Variants in PPM1D observed in about 807,000 individuals in gnomAD.
PPM1D encodes the protein protein phosphatase, Mg2+/Mn2+ dependent 1D, also known as protein phosphatase 1D.
Under a neutral mutation model 58.3 loss-of-function variants are expected in PPM1D, and 52 were observed. The observed-to-expected ratio is 0.89, with a 90% confidence interval of 0.71 to 1.12. The LOEUF is 1.12. PPM1D is among the 50% of genes most tolerant of loss of function. PPM1D has a pLI of 0.00. For missense variants in PPM1D, 564 were observed against 777.2 expected, an observed-to-expected ratio of 0.73 and a Z score of 3.26; for synonymous variants, 278 against 285.1, an observed-to-expected ratio of 0.98 and a Z score of 0.25.
Position 60,663,319 on chromosome 17 carries a change from AC to A in PPM1D, c.1589del (p.Pro530LeufsTer9). 2 of 1,614,064 alleles carry A rather than the reference AC, an allele frequency of 1.2e-6. No homozygotes were observed. Among genetic ancestry groups the A allele is most frequent in the South Asian group, 1.1e-5 (1 of 91,076 alleles). On this transcript the variant is annotated frameshift_variant, in exon 6 of 6. Coordinates refer to ENST00000305921, the MANE Select transcript of PPM1D (RefSeq NM_003620.4). LOFTEE classifies it high-confidence loss of function. ...GQMKAQEIER[T>X]PPTNFKRTLE... ...AATGAAAGCCCAAGAAATTGAAAGA[AC>A]CCCTCCAACAAACTTTAAAAGGACA... is the stretch of plus-strand genomic sequence containing the variant.
intron 4 of PPM1D, among the ~76,000 whole-genome samples, chr17:60,654,822 C>G (rs1878454353): frequency 6.7e-6 from 1 of 149,798 alleles, no homozygotes; most frequent in Non-Finnish European, 1.5e-5. Context: ...GAGCCGAGGT[C>G]TTGCCATTGC....
chr17:60,657,396 T>C (rs912174914), intron 5 of PPM1D, among the ~76,000 whole-genome samples: 1 of 152,254 alleles, frequency 6.6e-6, no homozygotes, highest in South Asian at 2.1e-4. Context: ...ATCATACTTT[T>C]TTGATTTACT....
At chr17:60,657,624 G>GT (rs2031463458) in intron 5 of PPM1D, among the ~76,000 whole-genome samples, 2 of 152,176 alleles carry the variant, frequency 1.3e-5, no homozygotes, top group African/African-American at 4.8e-5. Flanking sequence ...TTTGGGCGTC[G>GT]TAATCCTATA....
chr17:60,608,987 T>C (rs1286437447), intron 1 of PPM1D, among the ~76,000 whole-genome samples: 1 of 152,086 alleles, frequency 6.6e-6, no homozygotes, highest in East Asian at 1.9e-4. Flanking sequence ...GACCTCGTGA[T>C]GTGCCCTCCT....
intron 4 of PPM1D, among the ~76,000 whole-genome samples, chr17:60,651,868 G>C (rs1816525848): frequency 1.3e-5 from 2 of 152,132 alleles, no homozygotes; most frequent in Non-Finnish European, 2.9e-5. Context: ...GAAAATAATA[G>C]AGCAGAAATT....
intron 2 of PPM1D, among the ~76,000 whole-genome samples, chr17:60,633,563 A>G (rs1469878704): frequency 2.0e-5 from 3 of 151,816 alleles, no homozygotes; most frequent in Non-Finnish European, 2.9e-5. Flanking sequence ...ATTGTTTACT[A>G]ATTAGGTAGT....
intron 1 of PPM1D, among the ~76,000 whole-genome samples, chr17:60,602,324 G>A (rs2030232318): frequency 6.6e-6 from 1 of 152,102 alleles, no homozygotes; most frequent in Admixed American, 6.5e-5. Flanking sequence ...TTAGAGTGCT[G>A]TTTATTTTGC....
intron 3 of PPM1D, among the ~76,000 whole-genome samples, chr17:60,634,649 A>G (rs1186525099): frequency 6.6e-6 from 1 of 152,174 alleles, no homozygotes; most frequent in Admixed American, 6.5e-5. Context: ...CTATGAAAAA[A>G]ATAGTTATAT....
At chr17:60,619,660 T>G (rs1412091351) in intron 1 of PPM1D, among the ~76,000 whole-genome samples, 5 of 152,094 alleles carry the variant, frequency 3.3e-5, no homozygotes, top group African/African-American at 1.2e-4. Flanking sequence ...CAGGCTGGAG[T>G]GCAGTGGTGT....
At chr17:60,619,309 A>G (rs145145639) in intron 1 of PPM1D, among the ~76,000 whole-genome samples, 1 of 150,272 alleles carries the variant, frequency 6.7e-6, no homozygotes, top group East Asian at 2.0e-4. Context: ...GATTGTTTTC[A>G]TATCTTGGAT....
At chr17:60,630,933 TTACTC>T (rs1284960663) in intron 2 of PPM1D, among the ~76,000 whole-genome samples, 4 of 152,244 alleles carry the variant, frequency 2.6e-5, no homozygotes, top group African/African-American at 4.8e-5. Flanking sequence ...AGTTTAGTCT[TTACTC>T]TGCTGTTGAC....
At chr17:60,632,103 A>G (rs2030933899) in intron 2 of PPM1D, among the ~76,000 whole-genome samples, 1 of 151,942 alleles carries the variant, frequency 6.6e-6, no homozygotes, top group South Asian at 2.1e-4. Context: ...CTGAGGCAGG[A>G]GAATGGCATG....
chr17:60,645,532 A>G lies in PPM1D; in HGVS notation c.827-2360A>G, dbSNP rs868436632. ...TATGTGTATATATATGTATATATATATGTGTATATATATGTATATATATGT... is the reference window on the plus strand; with the variant it reads ...TATGTGTATATATATGTATATATATGTGTGTATATATATGTATATATATGT... On this transcript the variant is annotated intron_variant, in intron 3 of 5. Coordinates refer to ENST00000305921, the MANE Select transcript of PPM1D (RefSeq NM_003620.4). 6.8e-3 allele frequency among the ~76,000 whole-genome samples: 816 copies of G among 119,346 alleles called. 11 individuals carry two copies. Among genetic ancestry groups the G allele is most frequent in the African/African-American group, 0.032 (750 of 23,320 alleles). The allele number at this position is 119,346 out of a possible 152,430, so 78.3% of individuals were successfully genotyped here. A position where few individuals can be genotyped will look rare whatever the true frequency, so the allele number is the denominator to read the frequency against.
At position 60,600,274 on chromosome 17, in the gene PPM1D, CCCCCCTTCTCCGGGTCCGCCCCCT is replaced by C. The variant is rs2143606113; in HGVS notation, c.-130_-107del. The C allele has an allele frequency of 7.1e-7, 1 of 1,416,104 alleles. No individual in the cohort carries two copies. Among genetic ancestry groups the C allele is most frequent in the Non-Finnish European group, 9.2e-7 (1 of 1,082,046 alleles). The allele number at this position is 1,416,104 out of a possible 1,614,324, so 87.7% of individuals were successfully genotyped here. On this transcript the variant is annotated 5_prime_UTR_variant, in exon 1 of 6. Transcript: ENST00000305921. The stretch of plus-strand genomic sequence containing the variant: ...GCGGACAAGTCCAGACATCGCGCGC[CCCCCCTTCTCCGGGTCCGCCCCCT>C]CCCCCTTCTCGGCGTCGTCGAAGAT...
intron 4 of PPM1D, 135 bp from the exon 5 acceptor site, chr17:60,656,464 A>AAG: frequency 1.7e-6 from 2 of 1,203,202 alleles, no homozygotes; most frequent in Non-Finnish European, 2.3e-6. Context: ...AAAAAAAAAA[A>AAG]AGAGAAAAGA....
Position 60,623,685 on chromosome 17 carries a change from G to T in PPM1D, c.637G>T (p.Val213Leu). Reference sequence around the variant, plus strand: ...GGATGACTTTGTCAGAGCTGTGGAGGTGACACAGGACCATAAGCCAGAACT... The same window carrying T: ...GGATGACTTTGTCAGAGCTGTGGAGTTGACACAGGACCATAAGCCAGAACT... ...PKDDFVRAVE[V>L]TQDHKPELPK... is the part of the protein sequence containing the mutation. The change falls in exon 2 of 6, where the codon GTG becomes TTG. Residue 213 changes from valine (V) to leucine (L), a missense_variant. Around this residue, in one of 7 missense-constraint regions of PPM1D, gnomAD observed 95 missense variants for 232.6 expected, o/e 0.41. Transcript: ENST00000305921. 6.2e-7 allele frequency: 1 copy of T among 1,614,186 alleles called. No individual in the cohort carries two copies. Among genetic ancestry groups the T allele is most frequent in the Non-Finnish European group, 8.5e-7 (1 of 1,180,036 alleles).
At chr17:60,629,878 A>C (rs1184079126) in intron 2 of PPM1D, among the ~76,000 whole-genome samples, 3 of 152,100 alleles carry the variant, frequency 2.0e-5, no homozygotes, top group Non-Finnish European at 4.4e-5. Context: ...TCTCTACTAA[A>C]AATACAAAAA....
At chr17:60,631,119 G>C (rs572001417) in intron 2 of PPM1D, among the ~76,000 whole-genome samples, 6 of 152,270 alleles carry the variant, frequency 3.9e-5, no homozygotes, top group African/African-American at 1.4e-4. Flanking sequence ...CGGATGGGAG[G>C]ATGGCTTGAG....
chr17:60,651,678 GAACC>G (rs1284661729), intron 4 of PPM1D, among the ~76,000 whole-genome samples: 1 of 152,042 alleles, frequency 6.6e-6, no homozygotes, highest in Admixed American at 6.6e-5. Flanking sequence ...TTACAGGTGT[GAACC>G]ACCATGCCAA....
Sources: allele counts gnomAD v4.1 joint callset (sites outside exome capture counted in the v4.1 genomes callset), GRCh38; gene constraint gnomAD v4.1.1; regional missense constraint gnomAD v4.1.1; transcripts MANE v1.5; gene names NCBI Gene and HGNC (gene_info 2026-07-23, HGNC 2026-07-21).